The following ATCAY variants were observed in gnomAD, a reference collection of about 807,000 sequenced individuals.
The protein encoded by ATCAY is ATCAY kinesin light chain interacting caytaxin, also known as caytaxin.
In ATCAY, 22 loss-of-function variants were observed where a neutral mutation model predicts 47.7. The observed-to-expected ratio is 0.46, with a 90% confidence interval of 0.33 to 0.66. ATCAY has a LOEUF of 0.66. Ranked by LOEUF, ATCAY falls within the 30% of genes least tolerant of loss-of-function variation. The probability of loss-of-function intolerance (pLI) is 0.02; values close to 1 mark genes in which losing one functional copy is unlikely to be tolerated. For missense variants in ATCAY, 452 were observed against 515.0 expected, an observed-to-expected ratio of 0.88 and a Z score of 1.18; for synonymous variants, 216 against 207.6, an observed-to-expected ratio of 1.04 and a Z score of -0.35.
intron 2 of ATCAY, among the ~76,000 whole-genome samples, chr19:3,888,822 T>C (rs1255058838): frequency 6.6e-6 from 1 of 152,116 alleles, no homozygotes; most frequent in East Asian, 1.9e-4. Context: ...TTCCCATTCA[T>C]GTCCAGGCAG....
At chr19:3,887,884 A>G (rs370033966) in intron 2 of ATCAY, among the ~76,000 whole-genome samples, 58 of 151,384 alleles carry the variant, frequency 3.8e-4, no homozygotes, top group Non-Finnish European at 6.2e-4. Context: ...CAAGGTGGGC[A>G]GATCACAAGG....
chr19:3,885,575 G>T (rs370305693), intron 1 of ATCAY, among the ~76,000 whole-genome samples, 152 bp from the exon 2 acceptor site: 2 of 135,638 alleles, frequency 1.5e-5, no homozygotes, highest in East Asian at 2.5e-4. Flanking sequence ...AGAAGAAGGA[G>T]AAGGAGAGAG....
chr19:3,892,401 G>C (rs1001145890), intron 2 of ATCAY, among the ~76,000 whole-genome samples: 14 of 151,442 alleles, frequency 9.2e-5, no homozygotes, highest in African/African-American at 3.2e-4. Flanking sequence ...GGGTCTCACT[G>C]TGTTGCCCAG....
intron 2 of ATCAY, 70 bp from the exon 3 acceptor site, chr19:3,902,416 GC>G (rs2038823134): frequency 6.9e-7 from 1 of 1,449,136 alleles, no homozygotes; most frequent in Non-Finnish European, 9.5e-7. Flanking sequence ...ACCTGTCTGG[GC>G]CACTCCACTG....
chr19:3,912,292 G>A (rs1197878028), intron 8 of ATCAY, among the ~76,000 whole-genome samples: 1 of 151,896 alleles, frequency 6.6e-6, no homozygotes, highest in Non-Finnish European at 1.5e-5. Context: ...GGGTGACATA[G>A]CGAGACCCTG....
intron 3 of ATCAY, among the ~76,000 whole-genome samples, chr19:3,904,533 C>T (rs528289600): frequency 6.6e-6 from 1 of 152,244 alleles, no homozygotes; most frequent in South Asian, 2.1e-4. Context: ...GCCTGCCCTG[C>T]CGATTGAGGA....
intron 2 of ATCAY, among the ~76,000 whole-genome samples, chr19:3,895,371 C>A (rs1047487047): frequency 6.0e-5 from 9 of 151,164 alleles, no homozygotes; most frequent in Non-Finnish European, 1.0e-4. Flanking sequence ...TGCACCACCA[C>A]ACCCAGCTAA....
Position 3,921,906 on chromosome 19 carries a change from A to AC in ATCAY, c.1106+1108_1106+1109insC, listed in dbSNP as rs1419465444. 2.6e-5 allele frequency among the ~76,000 whole-genome samples: 4 copies of AC among 151,724 alleles called. No individual in the cohort carries two copies. The East Asian group carries it at 5.8e-4, about 22-fold the overall frequency. On this transcript the variant is annotated intron_variant, in intron 12 of 12. Coordinates refer to ENST00000450849, the MANE Select transcript of ATCAY (RefSeq NM_033064.5). Reference sequence around the variant, plus strand: ...AGCAAGACTCTGTTTAAAAAAAAAAAAACAAAAAAACAAAAAACTTAACAA... The same window carrying AC: ...AGCAAGACTCTGTTTAAAAAAAAAAACAACAAAAAAACAAAAAACTTAACAA...
At chr19:3,913,202 C>T (rs574380617) in intron 8 of ATCAY, among the ~76,000 whole-genome samples, 1 of 152,030 alleles carries the variant, frequency 6.6e-6, no homozygotes, top group East Asian at 1.9e-4. Flanking sequence ...CAGGGAAAAT[C>T]GCTTGAACCG....
Position 3,905,454 on chromosome 19 carries a change from T to A in ATCAY, c.157T>A (p.Phe53Ile). 6.2e-7 allele frequency: 1 copy of A among 1,611,492 alleles called. No individual in the cohort carries two copies. The change falls in exon 4 of 13, where the codon TTC becomes ATC. Residue 53 changes from phenylalanine (F) to isoleucine (I), a missense_variant. Physicochemically the swap from Phe to Ile is conservative, Grantham distance 21. Transcript: ENST00000450849. ...TGCAGCTCCTCCCAACACGCTAAAT[T>A]TCAACGGAGCGCATCGTAAGAGGAA... ...DTSSPPNTLN[F>I]NGAHRKRKTL...
chr19:3,918,780 T>G (rs1481866837), intron 10 of ATCAY, 26 bp from the exon 11 acceptor site: 1 of 1,613,578 alleles, frequency 6.2e-7, no homozygotes, highest in Non-Finnish European at 8.5e-7. Flanking sequence ...TAGTCACCCT[T>G]GTCACCTCGT....
At chr19:3,910,971 ATGTGTGCACG>A in intron 8 of ATCAY, 82 bp downstream of exon 8, 1 of 1,466,746 alleles carries the variant, frequency 6.8e-7, no homozygotes, top group Non-Finnish European at 9.5e-7. Flanking sequence ...TTGTGTGTGC[ATGTGTGCACG>A]TGTGTGCGTG....
At chr19:3,893,197 G>A (rs1402128931) in intron 2 of ATCAY, among the ~76,000 whole-genome samples, 5 of 143,900 alleles carry the variant, frequency 3.5e-5, no homozygotes, top group African/African-American at 1.0e-4. Flanking sequence ...TTTTTGAGAC[G>A]GAGACTTGCT....
At chr19:3,912,477 A>G (rs1267721965) in intron 8 of ATCAY, among the ~76,000 whole-genome samples, 1 of 152,020 alleles carries the variant, frequency 6.6e-6, no homozygotes, top group Non-Finnish European at 1.5e-5. Flanking sequence ...GGCCCAGCTA[A>G]CTTTTTGTAT....
intron 3 of ATCAY, among the ~76,000 whole-genome samples, chr19:3,904,472 C>T (rs2038842583): frequency 6.6e-6 from 1 of 152,244 alleles, no homozygotes; most frequent in South Asian, 2.1e-4. Flanking sequence ...GACAATTCTG[C>T]CTGCGGACGG....
chr19:3,907,931 C>CT lies in ATCAY; in HGVS notation c.544+12_544+13insT. ...GGTCACCCACGGAGGTGAGACCCGC[C>CT]CCCCGGTGCCCCCTTGGGGCTCCAG... On this transcript the variant is annotated intron_variant, in intron 5 of 12. Coordinates refer to ENST00000450849, the MANE Select transcript of ATCAY (RefSeq NM_033064.5). This position sits in a 1 kb window ranked among gnomAD's most constrained non-coding sequence, Gnocchi z 5.1. 1 of 1,609,166 alleles carries CT rather than the reference C, an allele frequency of 6.2e-7. No individual in the cohort carries two copies.
chr19:3,910,250 G>C (rs1369734544), intron 7 of ATCAY, among the ~76,000 whole-genome samples: 1 of 152,148 alleles, frequency 6.6e-6, no homozygotes, highest in Non-Finnish European at 1.5e-5. Flanking sequence ...GATGTCCTCA[G>C]GGTGCATCCA....
intron 1 of ATCAY, among the ~76,000 whole-genome samples, chr19:3,884,818 C>T (rs950911438): frequency 6.6e-6 from 1 of 151,934 alleles, no homozygotes; most frequent in Non-Finnish European, 1.5e-5. Context: ...AAGTGCTGGC[C>T]GGGCACAGTG....
intron 12 of ATCAY, among the ~76,000 whole-genome samples, chr19:3,921,230 G>A (rs1044121220): frequency 6.6e-6 from 1 of 151,634 alleles, no homozygotes; most frequent in African/African-American, 2.4e-5. Context: ...CCTCCCTGTG[G>A]CCGGGCGCAG....
Sources: gnomAD v4.1 joint callset for allele counts (sites outside exome capture counted in the v4.1 genomes callset) on GRCh38, gnomAD v4.1.1 for gene constraint, Gnocchi (gnomAD v3.1) non-coding constraint, MANE v1.5 for transcripts, NCBI Gene and HGNC (gene_info 2026-07-23, HGNC 2026-07-21) for gene names.